The following PTPRG variants were observed in gnomAD, a reference collection of about 807,000 sequenced individuals.
PTPRG encodes the protein receptor-type tyrosine-protein phosphatase gamma.
Under a neutral mutation model 165.3 loss-of-function variants are expected in PTPRG, and 102 were observed. That is an observed-to-expected ratio of 0.62 (90% confidence interval 0.53 to 0.73). PTPRG has a LOEUF of 0.73. PTPRG is among the 30% of genes least tolerant of loss of function. PTPRG has a pLI of 0.00. For synonymous variants in PTPRG, 675 were observed against 669.5 expected (o/e 1.01, Z -0.13); for missense variants, 1,866 against 1,861.4 (o/e 1.00, Z -0.05).
At chr3:62,185,717 A>AT (rs971013362) in intron 8 of PTPRG, among the ~76,000 whole-genome samples, 12 of 152,144 alleles carry the variant, frequency 7.9e-5, no homozygotes, top group African/African-American at 1.9e-4. Context: ...AAAATATACC[A>AT]TTTTTTTAAC....
In PTPRG at chr3:62,297,549, AGT is replaced by A. The variant is rs563331606; in HGVS notation, c.*4245_*4246del. On this transcript the variant is annotated 3_prime_UTR_variant, in exon 30 of 30. Transcript: ENST00000474889. Reference sequence around the variant, plus strand: ...AAACTATATCAAATCATTCTATTATAGTGTTATTTAATATGTAAATTGTATTG... The same window carrying A: ...AAACTATATCAAATCATTCTATTATAGTTATTTAATATGTAAATTGTATTG... 1.7e-4 allele frequency: 26 copies of A among 151,592 alleles called. No individual in the cohort carries two copies. In the East Asian group the frequency reaches 4.1e-3, roughly 24 times the overall value. The allele number at this position is 151,592 out of a possible 1,614,324, so 9.4% of individuals were successfully genotyped here. A position where few individuals can be genotyped will look rare whatever the true frequency, so the allele number is the denominator to read the frequency against.
chr3:61,963,507 G>C (rs772151571), intron 2 of PTPRG, among the ~76,000 whole-genome samples: 23 of 152,140 alleles, frequency 1.5e-4, no homozygotes, highest in Non-Finnish European at 1.8e-4. Context: ...ATGCTAGAAA[G>C]AGAAAATATT....
intron 1 of PTPRG, among the ~76,000 whole-genome samples, chr3:61,690,337 C>G (rs1413288245): frequency 1.3e-5 from 2 of 152,154 alleles, no homozygotes; most frequent in Admixed American, 1.3e-4. Flanking sequence ...AGATCCCTTT[C>G]TGGGTGTTTG....
chr3:61,903,059 G>A (rs1483652283), intron 2 of PTPRG, among the ~76,000 whole-genome samples: 1 of 152,092 alleles, frequency 6.6e-6, no homozygotes, highest in Non-Finnish European at 1.5e-5. Flanking sequence ...TTGCCTTCCA[G>A]TGTTTTCTGT....
At chr3:61,690,502 T>C (rs1194053706) in intron 1 of PTPRG, among the ~76,000 whole-genome samples, 2 of 152,234 alleles carry the variant, frequency 1.3e-5, no homozygotes, top group African/African-American at 4.8e-5. Context: ...GAGGAATTAC[T>C]GCAAAGAGTG....
intron 6 of PTPRG, among the ~76,000 whole-genome samples, chr3:62,133,951 C>T (rs879043770): frequency 2.0e-5 from 3 of 152,040 alleles, no homozygotes; most frequent in Non-Finnish European, 2.9e-5. Flanking sequence ...CCATTGCACT[C>T]CAGCCTGGAC....
At chr3:61,657,312 G>A (rs1702533826) in intron 1 of PTPRG, among the ~76,000 whole-genome samples, 1 of 152,072 alleles carries the variant, frequency 6.6e-6, no homozygotes, top group Admixed American at 6.6e-5. Context: ...TTCAGGGGAA[G>A]GTCAGTTAAG....
intron 2 of PTPRG, among the ~76,000 whole-genome samples, chr3:61,862,428 C>G (rs1189812958): frequency 6.9e-6 from 1 of 145,586 alleles, no homozygotes; most frequent in Non-Finnish European, 1.5e-5. Context: ...GTTGCCCAGG[C>G]TGGAGTGCAA....
At chr3:62,242,521 C>T (rs1321294772) in intron 14 of PTPRG, among the ~76,000 whole-genome samples, 12 of 152,256 alleles carry the variant, frequency 7.9e-5, no homozygotes, top group Admixed American at 6.5e-5. Flanking sequence ...TAAAGAACAG[C>T]GCTTCATACT....
At chr3:61,885,538 C>T (rs961458778) in intron 2 of PTPRG, among the ~76,000 whole-genome samples, 4 of 151,012 alleles carry the variant, frequency 2.6e-5, no homozygotes, top group African/African-American at 4.9e-5. Context: ...ACACCAATTG[C>T]AATAAAGGCC....
In PTPRG at chr3:62,159,940, T is replaced by C. The variant is rs540211858; in HGVS notation, c.840+2716T>C. On this transcript the variant is annotated intron_variant, in intron 7 of 29. Transcript: ENST00000474889. ...CATTCGCCATCCAAGTATTATCGCTTCAGACCTTCCCACCCTGACCCTGCC... is the reference window on the plus strand; with the variant it reads ...CATTCGCCATCCAAGTATTATCGCTCCAGACCTTCCCACCCTGACCCTGCC... 1.8e-4 allele frequency among the ~76,000 whole-genome samples: 28 copies of C among 152,316 alleles called. No homozygotes were observed. In the East Asian group the frequency reaches 5.2e-3, roughly 28 times the overall value.
intron 5 of PTPRG, among the ~76,000 whole-genome samples, chr3:62,130,440 G>C (rs1380666231): frequency 3.3e-5 from 5 of 152,134 alleles, no homozygotes; most frequent in Non-Finnish European, 7.4e-5. Flanking sequence ...CATAGAGGAG[G>C]GCAAAGTCAA....
intron 1 of PTPRG, among the ~76,000 whole-genome samples, chr3:61,635,757 G>T (rs905911587): frequency 1.3e-5 from 2 of 152,004 alleles, no homozygotes; most frequent in African/African-American, 4.8e-5. Context: ...TTGATTCCAG[G>T]TAGCCTATCT....
At chr3:61,873,310 A>C (rs1043245741) in intron 2 of PTPRG, among the ~76,000 whole-genome samples, 1 of 152,246 alleles carries the variant, frequency 6.6e-6, no homozygotes, top group African/African-American at 2.4e-5. Flanking sequence ...TGCAACTGCT[A>C]AAATGAATGA....
chr3:61,572,430 C>T (rs1202563633), intron 1 of PTPRG, among the ~76,000 whole-genome samples: 1 of 151,994 alleles, frequency 6.6e-6, no homozygotes, highest in Non-Finnish European at 1.5e-5. Context: ...CGTTCTGGAT[C>T]TTGTGTCTGG....
At chr3:61,956,542 A>T in intron 2 of PTPRG, among the ~76,000 whole-genome samples, 1 of 152,180 alleles carries the variant, frequency 6.6e-6, no homozygotes, top group East Asian at 1.9e-4. Flanking sequence ...ATCATTTACT[A>T]ATCTGTATTC....
intron 4 of PTPRG, among the ~76,000 whole-genome samples, chr3:62,016,768 C>G (rs769427822): frequency 1.3e-4 from 20 of 152,148 alleles, no homozygotes; most frequent in Admixed American, 5.2e-4. Context: ...CCTTGGCCTA[C>G]AAGGCCCTAG....
intron 2 of PTPRG, among the ~76,000 whole-genome samples, chr3:61,777,430 A>G (rs1329410837): frequency 6.6e-6 from 1 of 152,224 alleles, no homozygotes; most frequent in Non-Finnish European, 1.5e-5. Context: ...CATTTCAGCA[A>G]TCTTTATTAA....
chr3:61,640,831 A>G (rs1702040167), intron 1 of PTPRG, among the ~76,000 whole-genome samples: 1 of 152,168 alleles, frequency 6.6e-6, no homozygotes. Flanking sequence ...TCTGAATATA[A>G]TGGATCTGGA....
Sources: gnomAD v4.1 joint callset for allele counts (sites outside exome capture counted in the v4.1 genomes callset) on GRCh38, gnomAD v4.1.1 for gene constraint, MANE v1.5 for transcripts, NCBI Gene and HGNC (gene_info 2026-07-23, HGNC 2026-07-21) for gene names.